The following ATRNL1 variants were observed in gnomAD, a reference collection of about 807,000 sequenced individuals.
The protein encoded by ATRNL1 is attractin-like protein 1.
A neutral mutation model predicts 182.7 loss-of-function variants in ATRNL1; 95 were observed. The observed-to-expected ratio is 0.52, with a 90% CI of 0.44 to 0.62. The LOEUF (loss-of-function observed/expected upper bound fraction) is 0.62, where lower values mean the gene tolerates loss of function less well. Among genes scored for constraint, ATRNL1 ranks in the 20% least tolerant of loss-of-function variants. The pLI, the probability that ATRNL1 is intolerant of heterozygous loss-of-function variation, is 0.00. For synonymous variants in ATRNL1, 576 were observed against 568.3 expected, an observed-to-expected ratio of 1.01 and a Z score of -0.19; for missense variants, 1,471 against 1,679.5, an observed-to-expected ratio of 0.88 and a Z score of 2.17.
At chr10:115,115,189 G>C (rs1312718788) in intron 1 of ATRNL1, among the ~76,000 whole-genome samples, 1 of 152,022 alleles carries the variant, frequency 6.6e-6, no homozygotes, top group Non-Finnish European at 1.5e-5. Flanking sequence ...TGAATCAATT[G>C]AAGTAGAGAG....
intron 25 of ATRNL1, among the ~76,000 whole-genome samples, chr10:115,526,107 T>G (rs1851202781): frequency 6.6e-6 from 1 of 152,156 alleles, no homozygotes; most frequent in Non-Finnish European, 1.5e-5. Flanking sequence ...TAGGTATTGC[T>G]AGGGAAGCGG....
intron 5 of ATRNL1, among the ~76,000 whole-genome samples, chr10:115,137,987 C>G (rs1050586551): frequency 1.3e-5 from 2 of 152,216 alleles, no homozygotes; most frequent in African/African-American, 2.4e-5. Flanking sequence ...TGGGTAAATA[C>G]AGCCATTCCA....
intron 26 of ATRNL1, among the ~76,000 whole-genome samples, chr10:115,630,598 A>G (rs546698038): frequency 1.3e-5 from 2 of 151,458 alleles, no homozygotes; most frequent in East Asian, 3.9e-4. Context: ...AAATATGCAA[A>G]CAACCCATTT....
chr10:115,139,485 C>T (rs1387179209), intron 5 of ATRNL1, among the ~76,000 whole-genome samples: 1 of 152,082 alleles, frequency 6.6e-6, no homozygotes, highest in Non-Finnish European at 1.5e-5. Flanking sequence ...TCTCACATGG[C>T]GGCAGACAAC....
chr10:115,365,886 T>C (rs1455421346), intron 19 of ATRNL1, among the ~76,000 whole-genome samples: 9 of 152,198 alleles, frequency 5.9e-5, no homozygotes, highest in Admixed American at 1.3e-4. Context: ...GTCTGAGAGA[T>C]AGTTTGTTAT....
intron 28 of ATRNL1, among the ~76,000 whole-genome samples, chr10:115,931,260 C>T (rs782631485): frequency 1.6e-4 from 24 of 151,954 alleles, no homozygotes; most frequent in Non-Finnish European, 2.6e-4. Context: ...TTTAGGATTT[C>T]GGATTAAGAG....
chr10:115,395,827 CTTGT>C (rs1338272300), intron 20 of ATRNL1, among the ~76,000 whole-genome samples: 1 of 151,376 alleles, frequency 6.6e-6, no homozygotes, highest in Non-Finnish European at 1.5e-5. Context: ...TATTCTTTTT[CTTGT>C]TTATCTATAT....
chr10:115,806,541 CT>C (rs1274308733), intron 27 of ATRNL1, among the ~76,000 whole-genome samples: 1 of 152,008 alleles, frequency 6.6e-6, no homozygotes, highest in Non-Finnish European at 1.5e-5. Context: ...CACAGGTTTC[CT>C]TTTTTTATAA....
chr10:115,346,166 A>G (rs1855965178), intron 19 of ATRNL1, among the ~76,000 whole-genome samples: 2 of 152,214 alleles, frequency 1.3e-5, no homozygotes, highest in South Asian at 2.1e-4. Context: ...CATTAAGGAC[A>G]TGTGCATTGT....
intron 8 of ATRNL1, among the ~76,000 whole-genome samples, chr10:115,202,415 T>G (rs1291199613): frequency 9.2e-5 from 14 of 152,100 alleles, no homozygotes; most frequent in South Asian, 4.2e-4. Flanking sequence ...CATCAATACC[T>G]AATTTATTGA....
chr10:115,112,069 A>C (rs902895430), intron 1 of ATRNL1, among the ~76,000 whole-genome samples: 21 of 68,454 alleles, frequency 3.1e-4, no homozygotes, highest in East Asian at 1.0e-3. Context: ...AAAAAAACCC[A>C]AAAAAAAACT....
chr10:115,477,959 T>C (rs782310011), intron 24 of ATRNL1, among the ~76,000 whole-genome samples: 5 of 151,692 alleles, frequency 3.3e-5, no homozygotes, highest in African/African-American at 4.8e-5. Flanking sequence ...ATTGCTTGCT[T>C]TCTCATTGTC....
intron 26 of ATRNL1, among the ~76,000 whole-genome samples, chr10:115,590,210 G>C (rs1855819160): frequency 6.6e-6 from 1 of 152,150 alleles, no homozygotes; most frequent in Non-Finnish European, 1.5e-5. Flanking sequence ...GAGATGCAGA[G>C]ACTAATTTGA....
intron 27 of ATRNL1, among the ~76,000 whole-genome samples, chr10:115,738,193 C>A (rs1948031608): frequency 8.3e-6 from 1 of 120,932 alleles, no homozygotes; most frequent in Admixed American, 1.2e-4. Flanking sequence ...GGCTGGAGTG[C>A]ACTGGCACGA....
Position 115,472,236 on chromosome 10 carries a change from G to T in ATRNL1, c.3654+2907G>T, listed in dbSNP as rs547940599. Among the ~76,000 whole-genome samples the T allele has an allele frequency of 4.2e-3, 642 of 151,132 alleles. 2 individuals carry two copies. The highest frequency in any genetic ancestry group is 6.4e-3 in the Non-Finnish European group (433 of 67,340). The stretch of plus-strand genomic sequence containing the variant: ...TTTTATGCCAGCAACTTCCTGTTTT[G>T]ATTACTATAGATTCATAATATAGTT... On this transcript the variant is annotated intron_variant, in intron 24 of 28. Transcript: ENST00000355044.
intron 1 of ATRNL1, among the ~76,000 whole-genome samples, chr10:115,102,189 G>C (rs993995350): frequency 3.3e-5 from 5 of 152,050 alleles, no homozygotes; most frequent in African/African-American, 1.2e-4. Flanking sequence ...ATGTTATTAG[G>C]TGCATAAAAT....
At chr10:115,250,408 C>A (rs540302334) in intron 10 of ATRNL1, among the ~76,000 whole-genome samples, 186 of 152,262 alleles carry the variant, frequency 1.2e-3, no homozygotes, top group African/African-American at 4.3e-3. Context: ...CCATAAATTC[C>A]ACATACTACT....
At chr10:115,363,681 C>G (rs1238837842) in intron 19 of ATRNL1, among the ~76,000 whole-genome samples, 12 of 152,094 alleles carry the variant, frequency 7.9e-5, no homozygotes, top group East Asian at 5.8e-4. Flanking sequence ...AGTCCATCTT[C>G]AATTGATTTT....
At chr10:115,722,327 A>G (rs1947454984) in intron 26 of ATRNL1, among the ~76,000 whole-genome samples, 1 of 152,174 alleles carries the variant, frequency 6.6e-6, no homozygotes, top group South Asian at 2.1e-4. Context: ...AATGACTAAC[A>G]TCACTATCTA....
Sources: allele counts gnomAD v4.1 joint callset (sites outside exome capture counted in the v4.1 genomes callset), GRCh38; gene constraint gnomAD v4.1.1; transcripts MANE v1.5; gene names NCBI Gene and HGNC (gene_info 2026-07-23, HGNC 2026-07-21).